Variants in TSC1 observed in about 807,000 individuals in gnomAD.
The protein encoded by TSC1 is TSC complex subunit 1.
Under a neutral mutation model 124.3 loss-of-function variants are expected in TSC1, and 20 were observed. The ratio of observed to expected loss-of-function variants is 0.16; its 90% CI spans 0.11 to 0.23. The LOEUF is 0.23. Ranked by LOEUF, TSC1 falls within the 10% of genes least tolerant of loss-of-function variation. The pLI, the probability that TSC1 is intolerant of heterozygous loss-of-function variation, is 1.00. For synonymous variants in TSC1, 493 were observed against 539.1 expected (o/e 0.91, Z 1.19); for missense variants, 1,124 against 1,448.5 (o/e 0.78, Z 3.64).
Position 132,903,532 on chromosome 9 carries a change from C to T in TSC1, c.2208+119G>A. On this transcript the variant is annotated intron_variant, in intron 17 of 22. Coordinates refer to ENST00000298552, the MANE Select transcript of TSC1 (RefSeq NM_000368.5). The surrounding 1 kb of genome is among the most constrained non-coding windows in gnomAD (Gnocchi z 5.9). Reference sequence around the variant, plus strand: ...ATGTCTTAATCTCAAGCGACCTGCCCAAAGGAGTGGGAAGGACTGGGAACT... The same window carrying T: ...ATGTCTTAATCTCAAGCGACCTGCCTAAAGGAGTGGGAAGGACTGGGAACT... 6.8e-7 allele frequency: 1 copy of T among 1,462,120 alleles called. No homozygotes were observed. The highest frequency in any genetic ancestry group is 9.5e-7 in the Non-Finnish European group (1 of 1,049,440). The allele number at this position is 1,462,120 out of a possible 1,614,324, so 90.6% of individuals were successfully genotyped here.
intron 20 of TSC1, 98 bp downstream of exon 20, chr9:132,900,617 A>G (rs1564474741): frequency 6.3e-7 from 1 of 1,595,324 alleles, no homozygotes; most frequent in East Asian, 2.2e-5. Context: ...CTTTTAGGAA[A>G]TAAGTCATCA....
chr9:132,902,589 G>T lies in TSC1; in HGVS notation c.2391+16C>A, dbSNP rs377005728. 1 of 1,613,558 alleles carries T rather than the reference G, an allele frequency of 6.2e-7. No homozygotes were observed. Among genetic ancestry groups the T allele is most frequent in the Non-Finnish European group, 8.5e-7 (1 of 1,180,004 alleles). ...GCATTCTCGCAGTTGGCTTTGCCTG[G>T]TGCTGCAGTTTATACCTGTAATTCC... On this transcript the variant is annotated intron_variant, in intron 18 of 22. Transcript: ENST00000298552. The surrounding 1 kb of genome is among the most constrained non-coding windows in gnomAD (Gnocchi z 5.2).
At chr9:132,915,461 C>T (rs1172263823) in intron 8 of TSC1, among the ~76,000 whole-genome samples, 1 of 152,150 alleles carries the variant, frequency 6.6e-6, no homozygotes, top group Admixed American at 6.5e-5. Context: ...AGTGAAGTTA[C>T]GAACAATGTT....
At chr9:132,898,939 T>G (rs1297620139) in intron 20 of TSC1, 2 of 152,438 alleles carry the variant, frequency 1.3e-5, no homozygotes, top group Non-Finnish European at 2.9e-5. Flanking sequence ...CCTTTTCTTT[T>G]TTTTGGAGAC....
In TSC1 at chr9:132,910,656, G is replaced by A. The variant is rs201452238; in HGVS notation, c.1178C>T (p.Thr393Ile). The A allele has an allele frequency of 1.9e-5, 30 of 1,613,950 alleles. No homozygotes were observed. The highest frequency in any genetic ancestry group is 2.4e-5 in the Non-Finnish European group (28 of 1,180,052). Reference sequence around the variant, plus strand: ...ACAGAGTGGGGCTGGAGGAGGAGAGGTTGCTGGGGTTCCCAGAGGAGTTCC... The same window carrying A: ...ACAGAGTGGGGCTGGAGGAGGAGAGATTGCTGGGGTTCCCAGAGGAGTTCC... ...GKGTPLGTPA[T>I]SPPPAPLCHS... Residue 393 changes from threonine (T) to isoleucine (I), a missense_variant, in exon 12 of 23, where the codon ACC (threonine) becomes ATC (isoleucine). Coordinates refer to ENST00000298552, the MANE Select transcript of TSC1 (RefSeq NM_000368.5).
rs118203357 is a variant in TSC1, at chr9:132,925,700, C to T, written c.250G>A (p.Ala84Thr). 552 of 1,614,178 alleles carry T rather than the reference C, an allele frequency of 3.4e-4. 4 individuals carry two copies. In the East Asian group the frequency reaches 4.0e-3, roughly 12 times the overall value. ...AACGAGAGGATGGATAAACGAGTGG[C>T]GGCTTTGCCCACATATTCGTTAATC... ...DRINEYVGKA[A>T]TRLSILSLLG... The change falls in exon 5 of 23, where the codon GCC becomes ACC. Residue 84 changes from alanine to threonine, a missense_variant. Physicochemically the swap from Ala to Thr is moderately conservative, Grantham distance 58. Around this residue, in one of 5 missense-constraint regions of TSC1, gnomAD observed 463 missense variants for 606.8 expected, o/e 0.76. Coordinates refer to ENST00000298552, the MANE Select transcript of TSC1 (RefSeq NM_000368.5).
chr9:132,929,908 C>G (rs982633534), intron 2 of TSC1, among the ~76,000 whole-genome samples: 1 of 152,118 alleles, frequency 6.6e-6, no homozygotes, highest in Non-Finnish European at 1.5e-5. Flanking sequence ...GCTAGGTATG[C>G]CCGACTCCAA....
At chr9:132,922,689 C>A (rs1361039238) in intron 6 of TSC1, among the ~76,000 whole-genome samples, 1 of 152,170 alleles carries the variant, frequency 6.6e-6, no homozygotes, top group African/African-American at 2.4e-5. Context: ...CAAGCAGGCA[C>A]CACGTGGGCC....
chr9:132,945,003 C>A (rs1301686477), upstream of TSC1, among the ~76,000 whole-genome samples: 2 of 152,032 alleles, frequency 1.3e-5, no homozygotes, highest in African/African-American at 4.8e-5. Flanking sequence ...AAGCTGGCGG[C>A]GCCTGGGTGT....
chr9:132,898,377 TG>T (rs1230866013), intron 20 of TSC1, among the ~76,000 whole-genome samples: 2 of 152,348 alleles, frequency 1.3e-5, no homozygotes, highest in East Asian at 3.9e-4. Flanking sequence ...TGTGTGTGTA[TG>T]TTTACCGTGG....
rs397514816 is a variant in TSC1, at chr9:132,921,388, T to C, written c.712A>G (p.Lys238Glu). Residue 238 changes from lysine (K) to glutamate (E), a missense_variant, in exon 8 of 23, where the codon AAG becomes GAG. Physicochemically the swap from Lys to Glu is moderately conservative, Grantham distance 56. Coordinates refer to ENST00000298552, the MANE Select transcript of TSC1 (RefSeq NM_000368.5). This position sits in a 1 kb window ranked among gnomAD's most constrained non-coding sequence, Gnocchi z 4.3. ...CTTCGAGGGTCCAGTTCATGGTCCTTGGATCCAGTCACTAATTCCGGATGA... is the reference window on the plus strand; with the variant it reads ...CTTCGAGGGTCCAGTTCATGGTCCTCGGATCCAGTCACTAATTCCGGATGA... ...RIHPELVTGS[K>E]DHELDPRRWK... is the part of the protein sequence containing the mutation. The C allele has an allele frequency of 6.2e-7, 1 of 1,614,188 alleles. No individual in the cohort carries two copies. Among genetic ancestry groups the C allele is most frequent in the South Asian group, 1.1e-5 (1 of 91,078 alleles).
intron 8 of TSC1, among the ~76,000 whole-genome samples, chr9:132,913,152 G>A (rs1004494074): frequency 2.0e-5 from 3 of 151,992 alleles, no homozygotes; most frequent in African/African-American, 7.3e-5. Flanking sequence ...TGCTGGTCTC[G>A]AACTTACTGG....
rs1011704341 is a variant in TSC1 at position 132,903,927 on chromosome 9, T to A, written c.2042-110A>T. On this transcript the variant is annotated intron_variant, in intron 16 of 22. Transcript: ENST00000298552. The surrounding 1 kb of genome is among the most constrained non-coding windows in gnomAD (Gnocchi z 5.9). ...ACAAACACAATTCTTTAAAAACAAA[T>A]CACCACTCTCTTTGCAAATGACCAC... 2 of 1,322,232 alleles carry A rather than the reference T, an allele frequency of 1.5e-6. No individual in the cohort carries two copies. The highest frequency in any genetic ancestry group is 2.1e-6 in the Non-Finnish European group (2 of 939,884). 81.9% of individuals were successfully genotyped at this position (1,322,232 alleles called of 1,614,324 possible).
rs75053229 is a variant in TSC1, at chr9:132,894,243, G to A, written c.*1992C>T. The A allele has an allele frequency of 7.8e-5, 18 of 232,050 alleles. No homozygotes were observed. Among genetic ancestry groups the A allele is most frequent in the African/African-American group, 3.8e-4 (17 of 45,276 alleles). The allele number at this position is 232,050 out of a possible 1,614,324, so 14.4% of individuals were successfully genotyped here. ...CTAAAATGTTTTTTCTTTTGCACTT[G>A]GGCCTCTTTTCCTTTCCAATTCAGG... On this transcript the variant is annotated 3_prime_UTR_variant, in exon 23 of 23. Coordinates refer to ENST00000298552, the MANE Select transcript of TSC1 (RefSeq NM_000368.5).
intron 6 of TSC1, among the ~76,000 whole-genome samples, chr9:132,922,562 A>G (rs1229792143): frequency 7.2e-5 from 11 of 152,244 alleles, no homozygotes; most frequent in Non-Finnish European, 1.6e-4. Context: ...AGTGAAAGAA[A>G]TTGAACATCT....
At chr9:132,937,202 G>C (rs1047737092) in intron 1 of TSC1, among the ~76,000 whole-genome samples, 1 of 152,220 alleles carries the variant, frequency 6.6e-6, no homozygotes, top group East Asian at 1.9e-4. Context: ...CCAGCACTTT[G>C]GGAGGCCAAG....
intron 8 of TSC1, among the ~76,000 whole-genome samples, chr9:132,920,928 A>C (rs1846515707): frequency 1.3e-5 from 2 of 151,728 alleles, no homozygotes; most frequent in Non-Finnish European, 1.5e-5. Flanking sequence ...GGTATAGTCA[A>C]CTGGCTTTGC....
At chr9:132,901,978 T>C (rs1845400717) in intron 18 of TSC1, 1 of 388,242 alleles carries the variant, frequency 2.6e-6, no homozygotes, top group African/African-American at 2.1e-5. Flanking sequence ...ACAGGGATGC[T>C]GCAGAAAGAT....
rs796402549 is a variant in TSC1 at position 132,922,651 on chromosome 9, A to G, written c.509-678T>C. ...GGTCCTCCAAAATAATGGACAGACC[A>G]TTCCTTTTTCACAAAGGTCCTACTA... On this transcript the variant is annotated intron_variant, in intron 6 of 22. Transcript: ENST00000298552. 9.8e-5 allele frequency among the ~76,000 whole-genome samples: 15 copies of G among 152,356 alleles called. 1 individual carries two copies. Among genetic ancestry groups the G allele is most frequent in the African/African-American group, 3.1e-4 (13 of 41,598 alleles).
Sources: allele counts gnomAD v4.1 joint callset (sites outside exome capture counted in the v4.1 genomes callset), GRCh38; gene constraint gnomAD v4.1.1; regional missense constraint gnomAD v4.1.1; non-coding constraint Gnocchi (gnomAD v3.1); transcripts MANE v1.5; gene names NCBI Gene and HGNC (gene_info 2026-07-23, HGNC 2026-07-21).